The following IDH3A variants were observed in gnomAD, a reference collection of about 807,000 sequenced individuals.
The protein encoded by IDH3A is isocitrate dehydrogenase (NAD(+)) 3 catalytic subunit alpha, also known as isocitrate dehydrogenase [NAD] subunit alpha, mitochondrial.
Under a neutral mutation model 43.3 loss-of-function variants are expected in IDH3A, and 23 were observed. That is an observed-to-expected ratio of 0.53 (90% CI 0.38 to 0.75). The LOEUF is 0.75. Ranked by LOEUF, IDH3A falls within the 30% of genes least tolerant of loss-of-function variation. The pLI, the probability that IDH3A is intolerant of heterozygous loss-of-function variation, is 0.00. For missense variants in IDH3A, 329 were observed against 474.4 expected, an observed-to-expected ratio of 0.69 and a Z score of 2.85; for synonymous variants, 154 against 163.5, an observed-to-expected ratio of 0.94 and a Z score of 0.44.
intron 9 of IDH3A, 50 bp from the exon 10 acceptor site, chr15:78,166,099 AC>A (rs1178467412): frequency 6.4e-7 from 1 of 1,557,458 alleles, no homozygotes; most frequent in South Asian, 1.1e-5. Flanking sequence ...CCAGAAGAGG[AC>A]TGTTAGTTTT....
At chr15:78,151,001 C>T (rs2074569467) in intron 1 of IDH3A, 1 of 152,348 alleles carries the variant, frequency 6.6e-6, no homozygotes, top group African/African-American at 2.4e-5. Context: ...TAAAGCAACA[C>T]TTGATAATGA....
At chr15:78,157,241 GT>G in intron 2 of IDH3A, 1 of 937,022 alleles carries the variant, frequency 1.1e-6, no homozygotes, top group Non-Finnish European at 1.4e-6. Flanking sequence ...TTTGCAGCTT[GT>G]CTGAAAAGAA....
chr15:78,163,824 T>C, intron 8 of IDH3A, 44 bp downstream of exon 8: 1 of 1,208,224 alleles, frequency 8.3e-7, no homozygotes, highest in East Asian at 2.3e-5. Flanking sequence ...ATGATTTACT[T>C]ATAAACATCC....
Position 78,163,569 on chromosome 15 carries a change from T to C in IDH3A, c.674T>C (p.Ile225Thr). The part of the protein sequence containing the change: ...CREVAESCKD[I>T]KFNEMYLDTV... ...GAAGTTGCAGAAAGCTGTAAAGATA[T>C]TAAATTTAATGAGATGTACCTTGAT... Residue 225 changes from isoleucine to threonine, a missense_variant, in exon 7 of 11, where the codon ATT (isoleucine) becomes ACT (threonine). This residue lies in a region of IDH3A where 212 missense variants were observed against 345.5 expected (regional missense o/e 0.61). Transcript: ENST00000299518. The C allele has an allele frequency of 6.2e-7, 1 of 1,612,760 alleles. No homozygotes were observed. Among genetic ancestry groups the C allele is most frequent in the South Asian group, 1.1e-5 (1 of 91,024 alleles).
intron 6 of IDH3A, 64 bp downstream of exon 6, chr15:78,162,431 T>TA: frequency 1.3e-6 from 2 of 1,564,138 alleles, no homozygotes; most frequent in Non-Finnish European, 1.7e-6. Context: ...TGACAGGGCT[T>TA]CCCTTTCTCC....
At chr15:78,166,486 G>A (rs1381819068) in intron 10 of IDH3A, 184 bp downstream of exon 10, 3 of 649,136 alleles carry the variant, frequency 4.6e-6, no homozygotes, top group Non-Finnish European at 8.2e-6. Flanking sequence ...TGCATTTTCT[G>A]AGGTGAGGAT....
At position 78,171,651 on chromosome 15, in the gene IDH3A, C is replaced by T. The variant is rs954353575; in HGVS notation, c.*2646C>T. ...AGGAATTAAGCCAGATAATCAGGAC[C>T]GTCAGTAGCCAGCCTCCAAGACAGT... On this transcript the variant is annotated 3_prime_UTR_variant, in exon 11 of 11. Transcript: ENST00000299518. The T allele has an allele frequency of 3.2e-5, 24 of 749,552 alleles. No homozygotes were observed. In the African/African-American group the frequency reaches 3.7e-4, roughly 12 times the overall value. 46.4% of individuals were successfully genotyped at this position (749,552 alleles called of 1,614,324 possible).
chr15:78,152,259 A>G (rs915155062), intron 1 of IDH3A, among the ~76,000 whole-genome samples: 6 of 150,646 alleles, frequency 4.0e-5, no homozygotes, highest in African/African-American at 1.2e-4. Flanking sequence ...GGGTTTCACC[A>G]TGTTGGCCAG....
intron 1 of IDH3A, among the ~76,000 whole-genome samples, chr15:78,150,393 G>A (rs1379310607): frequency 6.6e-6 from 1 of 152,170 alleles, no homozygotes; most frequent in Non-Finnish European, 1.5e-5. Context: ...ATGAAAGGGT[G>A]GTCCCCTAGA....
intron 10 of IDH3A, 159 bp from the exon 11 acceptor site, chr15:78,168,763 A>G (rs1010737896): frequency 3.3e-6 from 2 of 610,508 alleles, no homozygotes; most frequent in East Asian, 2.6e-5. Context: ...TGGGCTGGGT[A>G]GATGGTGGTG....
chr15:78,163,887 T>C, intron 8 of IDH3A, 107 bp downstream of exon 8: 1 of 729,712 alleles, frequency 1.4e-6, no homozygotes, highest in Non-Finnish European at 2.4e-6. Context: ...ATAGAGTATT[T>C]GTTGTAACAT....
chr15:78,149,809 C>T (rs910770696), intron 1 of IDH3A, among the ~76,000 whole-genome samples: 2 of 152,376 alleles, frequency 1.3e-5, no homozygotes, highest in East Asian at 1.9e-4. Context: ...CGGGCCGCTT[C>T]CCCGGCTGCG....
intron 8 of IDH3A, among the ~76,000 whole-genome samples, chr15:78,164,019 C>T (rs1014029725): frequency 3.3e-5 from 5 of 152,090 alleles, no homozygotes; most frequent in African/African-American, 1.2e-4. Flanking sequence ...TTAGGTCACT[C>T]TTCCCAGTTT....
At chr15:78,155,306 T>A in intron 2 of IDH3A, 31 bp downstream of exon 2, 1 of 1,458,054 alleles carries the variant, frequency 6.9e-7, no homozygotes, top group Non-Finnish European at 9.6e-7. Flanking sequence ...TATTTTTTCC[T>A]TTTAGAAGTT....
intron 10 of IDH3A, chr15:78,166,515 A>G: frequency 3.5e-6 from 2 of 574,972 alleles, no homozygotes; most frequent in Non-Finnish European, 6.2e-6. Flanking sequence ...TTCATCCAAA[A>G]AAAGTTAAGC....
chr15:78,165,032 C>T lies in IDH3A; in HGVS notation c.820C>T (p.Pro274Ser). The change falls in exon 9 of 11, where the codon CCA becomes TCA. Residue 274 changes from proline (P) to serine (S), a missense_variant. By Grantham distance (74) the Pro-to-Ser change is moderately conservative. This residue lies in a region of IDH3A where 212 missense variants were observed against 345.5 expected (regional missense o/e 0.61). Coordinates refer to ENST00000299518, the MANE Select transcript of IDH3A (RefSeq NM_005530.3). Reference sequence around the variant, plus strand: ...ATTGATCGGAGGTCTCGGTGTGACACCAAGTGGCAACATTGGAGCCAATGG... The same window carrying T: ...ATTGATCGGAGGTCTCGGTGTGACATCAAGTGGCAACATTGGAGCCAATGG... ...AGLIGGLGVT[P>S]SGNIGANGVA... 1 of 1,613,686 alleles carries T rather than the reference C, an allele frequency of 6.2e-7. No homozygotes were observed. Among genetic ancestry groups the T allele is most frequent in the East Asian group, 2.2e-5 (1 of 44,856 alleles).
In IDH3A at chr15:78,149,366, C is replaced by T; in HGVS notation, c.-38C>T. On this transcript the variant is annotated 5_prime_UTR_variant, in exon 1 of 11. Transcript: ENST00000299518. The stretch of plus-strand genomic sequence containing the variant: ...GCGTGGGGTGGGCGCTTGCGCACTG[C>T]CGCTGCGGCTGTTGCTGCGGAGCCA... 1 of 1,519,788 alleles carries T rather than the reference C, an allele frequency of 6.6e-7. No homozygotes were observed. Among genetic ancestry groups the T allele is most frequent in the Non-Finnish European group, 8.8e-7 (1 of 1,140,504 alleles). The allele number at this position is 1,519,788 out of a possible 1,614,324, so 94.1% of individuals were successfully genotyped here.
At position 78,162,276 on chromosome 15, in the gene IDH3A, G is replaced by T. The variant is rs2074688766; in HGVS notation, c.520G>T (p.Gly174Trp). The T allele has an allele frequency of 1.2e-6, 2 of 1,614,196 alleles. No homozygotes were observed. The highest frequency in any genetic ancestry group is 1.7e-6 in the Non-Finnish European group (2 of 1,180,036). ...VVQSIKLITEGASKRIAEFAF... is the reference protein window; with the variant it reads ...VVQSIKLITEWASKRIAEFAF... Reference sequence around the variant, plus strand: ...GCAGAGTATCAAGCTCATCACCGAGGGGGCGAGCAAGCGCATTGCTGAGTT... The same window carrying T: ...GCAGAGTATCAAGCTCATCACCGAGTGGGCGAGCAAGCGCATTGCTGAGTT... Residue 174 changes from glycine (G) to tryptophan (W), a missense_variant, in exon 6 of 11, where the codon GGG becomes TGG. By Grantham distance (184) the Gly-to-Trp change is radical (BLOSUM62 -2). Around this residue, in one of 3 missense-constraint regions of IDH3A, gnomAD observed 212 missense variants for 345.5 expected, o/e 0.61. Transcript: ENST00000299518.
chr15:78,166,943 T>G (rs2074750598), intron 10 of IDH3A, among the ~76,000 whole-genome samples: 1 of 152,184 alleles, frequency 6.6e-6, no homozygotes, highest in Non-Finnish European at 1.5e-5. Flanking sequence ...AGTTCATTGA[T>G]TTTTATAGAC....
Sources: gnomAD v4.1 joint callset for allele counts (sites outside exome capture counted in the v4.1 genomes callset) on GRCh38, gnomAD v4.1.1 for gene constraint, gnomAD v4.1.1 regional missense constraint, MANE v1.5 for transcripts, NCBI Gene and HGNC (gene_info 2026-07-23, HGNC 2026-07-21) for gene names.